The following SMN1 variants were observed in gnomAD, a reference collection of about 807,000 sequenced individuals.
SMN1 encodes survival motor neuron protein.
For synonymous variants in SMN1, 3 were observed against 5.1 expected, an observed-to-expected ratio of 0.58 and a Z score of 0.56; for missense variants, 15 against 17.1, an observed-to-expected ratio of 0.88 and a Z score of 0.22.
chr5:70,960,749 G>C, the SMN1 span, among the ~76,000 whole-genome samples: 2 of 145,742 alleles, frequency 1.4e-5, no homozygotes, highest in African/African-American at 5.0e-5. Context: ...AGGCTGGAGT[G>C]CAATGGCATA....
At chr5:70,955,326 G>A (rs1245382728), downstream of SMN1, among the ~76,000 whole-genome samples, 129 of 141,818 alleles carry the variant, frequency 9.1e-4, no homozygotes, top group African/African-American at 3.2e-3. Context: ...AGCTGGTCTC[G>A]AGTTCCTGGG....
rs56299889 is a variant in SMN1, at chr5:70,951,845, A to G, written c.835-96A>G. The G allele has an allele frequency of 0.026, 21,800 of 850,538 alleles. 497 individuals are homozygous for G. The highest frequency in any genetic ancestry group is 0.031 in the Non-Finnish European group (16,232 of 524,166). 52.7% of individuals were successfully genotyped at this position (850,538 alleles called of 1,614,324 possible). A position where few individuals can be genotyped will look rare whatever the true frequency, so the allele number is the denominator to read the frequency against. On this transcript the variant is annotated intron_variant, in intron 7 of 8. Transcript: ENST00000380707. ...ATAAAATAAGTAAAATGTCTTGTGA[A>G]ACAAAATGCTTTTTAACATCCATAT...
chr5:70,959,513 A>G, the SMN1 span, among the ~76,000 whole-genome samples: 2 of 113,004 alleles, frequency 1.8e-5, no homozygotes, highest in Non-Finnish European at 3.8e-5. Flanking sequence ...CGCTTAATGA[A>G]TTGAGCTCTT....
intron 7 of SMN1, among the ~76,000 whole-genome samples, chr5:70,950,359 G>T (rs1749655212): frequency 6.7e-6 from 1 of 148,170 alleles, no homozygotes; most frequent in South Asian, 2.1e-4. Flanking sequence ...GGAGGTTGCG[G>T]TGAGCCAAGA....
intron 8 of SMN1, 93 bp downstream of exon 8, chr5:70,952,087 G>T: frequency 6.3e-7 from 1 of 1,596,250 alleles, no homozygotes; most frequent in Non-Finnish European, 8.5e-7. Context: ...AAAAAGTTCA[G>T]ATGTTAAAAA....
chr5:70,951,857 T>G, intron 7 of SMN1, 84 bp from the exon 8 acceptor site: 1 of 1,063,964 alleles, frequency 9.4e-7, no homozygotes, highest in Non-Finnish European at 1.4e-6. Context: ...CAAAATGCTT[T>G]TTAACATCCA....
chr5:70,950,135 C>G (rs1326526991), intron 7 of SMN1, among the ~76,000 whole-genome samples: 2 of 147,212 alleles, frequency 1.4e-5, no homozygotes, highest in Non-Finnish European at 3.0e-5. Context: ...GAAGAAAAAT[C>G]AGCTGGGCGC....
the SMN1 span, among the ~76,000 whole-genome samples, chr5:70,960,411 G>A: frequency 6.7e-6 from 1 of 149,236 alleles, no homozygotes; most frequent in Non-Finnish European, 1.5e-5. Context: ...TCCCAGCTGG[G>A]GTTGAACAGT....
chr5:70,960,183 G>A, the SMN1 span, among the ~76,000 whole-genome samples: 3 of 150,254 alleles, frequency 2.0e-5, no homozygotes, highest in African/African-American at 2.4e-5. Context: ...TGTTTATATC[G>A]TCTTCCCATT....
At chr5:70,956,213 C>T (rs1749900406), downstream of SMN1, among the ~76,000 whole-genome samples, 1 of 149,698 alleles carries the variant, frequency 6.7e-6, no homozygotes, top group African/African-American at 2.4e-5. Flanking sequence ...GTTGTAGATT[C>T]TGGATATTAG....
chr5:70,960,842 C>T, the SMN1 span, among the ~76,000 whole-genome samples: 3 of 149,642 alleles, frequency 2.0e-5, no homozygotes, highest in African/African-American at 7.3e-5. Flanking sequence ...ATTATAGGCA[C>T]CCGCCACTGC....
At chr5:70,950,208 G>T (rs1397887307) in intron 7 of SMN1, among the ~76,000 whole-genome samples, 3 of 149,436 alleles carry the variant, frequency 2.0e-5, no homozygotes, top group Non-Finnish European at 4.4e-5. Context: ...ACCTGAAGTC[G>T]GGAGTTCCAG....
At chr5:70,960,180 A>G in the SMN1 span, among the ~76,000 whole-genome samples, 1 of 150,640 alleles carries the variant, frequency 6.6e-6, no homozygotes, top group East Asian at 1.9e-4. Flanking sequence ...TGTTGTTTAT[A>G]TCGTCTTCCC....
downstream of SMN1, among the ~76,000 whole-genome samples, chr5:70,956,757 C>T (rs1303850535): frequency 8.0e-5 from 12 of 150,002 alleles, no homozygotes; most frequent in African/African-American, 2.9e-4. Context: ...CGTGATGCCT[C>T]CAGCTTTGTT....
rs199757161 is a variant in SMN1, at chr5:70,952,281, C to CA, written c.*4-158_*4-157insA. ...CCATTTTATATCACTAGTAGGCAGA[C>CA]CAGCAGACTTTTTTTTATTGTGATA... On this transcript the variant is annotated intron_variant, in intron 8 of 8. Transcript: ENST00000380707. 157,614 of 1,410,168 alleles carry CA rather than the reference C, an allele frequency of 0.11. 9,834 individuals are homozygous for CA. The highest frequency in any genetic ancestry group is 0.13 in the Non-Finnish European group (134,350 of 1,069,470). The allele number at this position is 1,410,168 out of a possible 1,614,324, so 87.4% of individuals were successfully genotyped here.
intron 7 of SMN1, among the ~76,000 whole-genome samples, chr5:70,951,514 A>T (rs1052238691): frequency 6.6e-6 from 1 of 151,014 alleles, no homozygotes; most frequent in Non-Finnish European, 1.5e-5. Flanking sequence ...AGCTCAGGTG[A>T]TCCAACTGTC....
At position 70,950,944 on chromosome 5, in the gene SMN1, T is replaced by C. The variant is rs1184736409; in HGVS notation, c.835-997T>C. On this transcript the variant is annotated intron_variant, in intron 7 of 8. Transcript: ENST00000380707. ...GTGAGCCACTGTGCCCGGCCTAGTC[T>C]TGTATTTTTAGTAGAGTCGGGGTTT... Among the ~76,000 whole-genome samples the C allele has an allele frequency of 2.0e-5, 3 of 151,732 alleles. No individual in the cohort carries two copies. The East Asian group carries it at 5.9e-4, about 30-fold the overall frequency.
At chr5:70,959,094 A>G in the SMN1 span, among the ~76,000 whole-genome samples, 1 of 150,556 alleles carries the variant, frequency 6.6e-6, no homozygotes, top group Non-Finnish European at 1.5e-5. Flanking sequence ...TGATGAGTTC[A>G]TGTCCTTTGT....
At chr5:70,950,321 G>A (rs1749653178) in intron 7 of SMN1, among the ~76,000 whole-genome samples, 2 of 148,020 alleles carry the variant, frequency 1.4e-5, no homozygotes, top group Admixed American at 1.3e-4. Context: ...GGAGGCTGAG[G>A]CAGGAGAGTT....
Sources: gnomAD v4.1 joint callset for allele counts (sites outside exome capture counted in the v4.1 genomes callset) on GRCh38, gnomAD v4.1.1 for gene constraint, MANE v1.5 for transcripts, NCBI Gene and HGNC (gene_info 2026-07-23, HGNC 2026-07-21) for gene names.